The following THSD4 variants were observed in gnomAD, a reference collection of about 807,000 sequenced individuals.
The protein encoded by THSD4 is thrombospondin type 1 domain containing 4, also known as thrombospondin type-1 domain-containing protein 4.
A neutral mutation model predicts 119.0 loss-of-function variants in THSD4; 69 were observed. The ratio of observed to expected loss-of-function variants is 0.58; its 90% CI spans 0.48 to 0.71. The LOEUF (loss-of-function observed/expected upper bound fraction) is 0.71. THSD4 is among the 30% of genes least tolerant of loss of function. The probability of loss-of-function intolerance (pLI) is 0.00; values close to 1 mark genes in which losing one functional copy is unlikely to be tolerated. For synonymous variants in THSD4, 524 were observed against 540.4 expected (o/e 0.97, Z 0.42); for missense variants, 1,393 against 1,391.1 (o/e 1.00, Z -0.02).
intron 7 of THSD4, among the ~76,000 whole-genome samples, chr15:71,651,751 G>A (rs184272672): frequency 1.3e-5 from 2 of 152,194 alleles, no homozygotes; most frequent in Non-Finnish European, 2.9e-5. Flanking sequence ...CAGTCAGCCT[G>A]CATCTCTGGG....
chr15:71,304,748 C>G (rs910408086), intron 6 of THSD4, among the ~76,000 whole-genome samples: 1 of 152,160 alleles, frequency 6.6e-6, no homozygotes, highest in Non-Finnish European at 1.5e-5. Flanking sequence ...TTCCTTCCAA[C>G]AAAAAGTAAC....
intron 6 of THSD4, among the ~76,000 whole-genome samples, chr15:71,377,906 A>ACC (rs1566961513): frequency 6.0e-5 from 4 of 66,312 alleles, no homozygotes; most frequent in South Asian, 4.7e-4. Context: ...ACACACACAC[A>ACC]CACACACAAT....
intron 1 of THSD4, among the ~76,000 whole-genome samples, chr15:71,136,657 C>T (rs958848901): frequency 1.1e-4 from 16 of 141,638 alleles, no homozygotes; most frequent in Non-Finnish European, 1.7e-4. Flanking sequence ...CAGAGGACAG[C>T]GTGTGTAGGA....
intron 6 of THSD4, among the ~76,000 whole-genome samples, chr15:71,335,654 A>G (rs1403361200): frequency 2.6e-5 from 4 of 152,124 alleles, no homozygotes; most frequent in Admixed American, 2.6e-4. Context: ...TTCAAGGCCC[A>G]ATTTCCTCGG....
intron 7 of THSD4, among the ~76,000 whole-genome samples, chr15:71,440,264 A>G (rs1595768864): frequency 6.6e-6 from 1 of 152,176 alleles, no homozygotes; most frequent in Admixed American, 6.5e-5. Context: ...CAAAACCTCA[A>G]TATAAGCTTT....
chr15:71,385,659 C>T (rs2046286546), intron 6 of THSD4, among the ~76,000 whole-genome samples: 1 of 152,168 alleles, frequency 6.6e-6, no homozygotes, highest in Admixed American at 6.5e-5. Flanking sequence ...CCCTGATTGG[C>T]TGAGACTCAG....
At chr15:71,659,645 C>T (rs1251335493) in intron 7 of THSD4, among the ~76,000 whole-genome samples, 1 of 152,112 alleles carries the variant, frequency 6.6e-6, no homozygotes, top group Non-Finnish European at 1.5e-5. Context: ...GTCCTAAGCT[C>T]AAGCAGTCCT....
chr15:71,665,245 G>A (rs1318238847), intron 8 of THSD4, among the ~76,000 whole-genome samples: 2 of 152,180 alleles, frequency 1.3e-5, no homozygotes, highest in African/African-American at 4.8e-5. Context: ...CTAATGATTA[G>A]TGATATTGAG....
intron 7 of THSD4, among the ~76,000 whole-genome samples, chr15:71,446,748 G>A (rs1179620115): frequency 6.6e-6 from 1 of 152,114 alleles, no homozygotes; most frequent in Non-Finnish European, 1.5e-5. Flanking sequence ...ACTCTGTGTG[G>A]CCTCCTCAGG....
chr15:71,341,202 A>G, intron 6 of THSD4: 2 of 1,542,488 alleles, frequency 1.3e-6, no homozygotes, highest in African/African-American at 1.4e-5. Context: ...TTCTTCTGGG[A>G]TATCTTTTTC....
At chr15:71,523,719 G>A (rs995917736) in intron 7 of THSD4, among the ~76,000 whole-genome samples, 2 of 152,196 alleles carry the variant, frequency 1.3e-5, no homozygotes, top group Non-Finnish European at 2.9e-5. Context: ...GGAAATGGAA[G>A]CAGGAGATAT....
rs1189970342 is a variant in THSD4 at position 71,783,246 on chromosome 15, T to C, written c.*5872T>C. ...TGTGTGACTAATTTATTTTTATTAT[T>C]GTAAAGATACAATAAACCGGTTGAA... is the stretch of plus-strand genomic sequence containing the variant. On this transcript the variant is annotated 3_prime_UTR_variant, in exon 18 of 18. Transcript: ENST00000261862. 3.3e-5 allele frequency: 5 copies of C among 152,258 alleles called. No homozygotes were observed. In the East Asian group the frequency reaches 9.6e-4, roughly 29 times the overall value. 9.4% of individuals were successfully genotyped at this position (152,258 alleles called of 1,614,324 possible).
chr15:71,550,064 G>C (rs2048902802), intron 7 of THSD4, among the ~76,000 whole-genome samples: 1 of 152,244 alleles, frequency 6.6e-6, no homozygotes. Flanking sequence ...ACTCAGAACA[G>C]TGAGATCATG....
intron 8 of THSD4, among the ~76,000 whole-genome samples, chr15:71,687,153 A>G (rs1266902928): frequency 2.0e-5 from 3 of 152,204 alleles, no homozygotes; most frequent in Non-Finnish European, 4.4e-5. Context: ...GGTGGCATCT[A>G]TTAACCCCTA....
At chr15:71,278,493 C>T (rs2044616915) in intron 6 of THSD4, among the ~76,000 whole-genome samples, 1 of 152,196 alleles carries the variant, frequency 6.6e-6, no homozygotes, top group Non-Finnish European at 1.5e-5. Flanking sequence ...ACTTGTAGCT[C>T]TGGAGCTGTT....
intron 7 of THSD4, among the ~76,000 whole-genome samples, chr15:71,506,545 C>T (rs1201829070): frequency 6.6e-6 from 1 of 152,218 alleles, no homozygotes; most frequent in African/African-American, 2.4e-5. Flanking sequence ...TAGTCCCCTC[C>T]AGCACAAGTG....
At chr15:71,168,240 C>T (rs931608895) in intron 3 of THSD4, among the ~76,000 whole-genome samples, 1 of 152,110 alleles carries the variant, frequency 6.6e-6, no homozygotes, top group Non-Finnish European at 1.5e-5. Context: ...GAAAATATGT[C>T]GATTGTAGAA....
At chr15:71,603,744 G>A (rs2050057255) in intron 7 of THSD4, among the ~76,000 whole-genome samples, 1 of 152,068 alleles carries the variant, frequency 6.6e-6, no homozygotes, top group Admixed American at 6.5e-5. Context: ...CCTCTGGTGG[G>A]AGAATTTGAA....
At chr15:71,294,295 C>T (rs1301212654) in intron 6 of THSD4, among the ~76,000 whole-genome samples, 4 of 152,134 alleles carry the variant, frequency 2.6e-5, no homozygotes, top group Non-Finnish European at 5.9e-5. Flanking sequence ...GCTCAGTTAC[C>T]AGGAGTCCCT....
Sources: allele counts gnomAD v4.1 joint callset (sites outside exome capture counted in the v4.1 genomes callset), GRCh38; gene constraint gnomAD v4.1.1; transcripts MANE v1.5; gene names NCBI Gene and HGNC (gene_info 2026-07-23, HGNC 2026-07-21).